Variants in SVEP1 observed in about 807,000 individuals in gnomAD.
SVEP1 encodes the protein sushi, von Willebrand factor type A, EGF and pentraxin domain-containing protein 1.
A neutral mutation model predicts 367.3 loss-of-function variants in SVEP1; 164 were observed. That is an observed-to-expected ratio of 0.45 (90% confidence interval 0.39 to 0.51). The LOEUF (loss-of-function observed/expected upper bound fraction) is 0.51. SVEP1 is among the 20% of genes least tolerant of loss of function. The pLI, the probability that SVEP1 is intolerant of heterozygous loss-of-function variation, is 0.00. For synonymous variants in SVEP1, 1,666 were observed against 1,611.6 expected (o/e 1.03, Z -0.81); for missense variants, 4,117 against 4,425.3 (o/e 0.93, Z 1.98).
chr9:110,506,495 G>A (rs1829628044), intron 5 of SVEP1, among the ~76,000 whole-genome samples: 1 of 152,036 alleles, frequency 6.6e-6, no homozygotes, highest in East Asian at 1.9e-4. Flanking sequence ...TTCTACCATT[G>A]CCATGCCCTC....
At chr9:110,479,520 T>C (rs1229945608) in intron 13 of SVEP1, 115 bp downstream of exon 13, 2 of 1,265,898 alleles carry the variant, frequency 1.6e-6, no homozygotes, top group South Asian at 1.8e-5. Context: ...ATTAGGTACA[T>C]GTCTGGATCA....
intron 37 of SVEP1, among the ~76,000 whole-genome samples, chr9:110,409,426 GAAGAAAGAA>G (rs750913787): frequency 2.7e-4 from 41 of 151,592 alleles, no homozygotes; most frequent in Non-Finnish European, 2.1e-4. Context: ...TGTCTAAAGG[GAAGAAAGAA>G]AAGAAAGAAA....
At chr9:110,397,181 G>T (rs1827775908) in intron 40 of SVEP1, among the ~76,000 whole-genome samples, 1 of 152,136 alleles carries the variant, frequency 6.6e-6, no homozygotes, top group African/African-American at 2.4e-5. Context: ...ATGCAAGGCT[G>T]GTTCAACATA....
Position 110,411,409 on chromosome 9 carries a change from T to G in SVEP1, c.6302A>C (p.Lys2101Thr). The change falls in exon 37 of 48, where the codon AAA (lysine) becomes ACA (threonine). Residue 2101 changes from lysine to threonine, a missense_variant. Physicochemically the swap from Lys to Thr is moderately conservative, Grantham distance 78 (BLOSUM62 -1). This residue lies in a region of SVEP1 where 2,174 missense variants were observed against 2,494.3 expected (regional missense o/e 0.87). Transcript: ENST00000374469. ...YSILESVSKA[K>T]FAAGSVVSFK... ...GCTCACAACTGAGCCAGCTGCAAAT[T>G]TTGCTTTGCTCACAGATTCCAAGAT... 6.2e-7 allele frequency: 1 copy of G among 1,613,970 alleles called. No individual in the cohort carries two copies. The highest frequency in any genetic ancestry group is 8.5e-7 in the Non-Finnish European group (1 of 1,179,882).
intron 1 of SVEP1, among the ~76,000 whole-genome samples, chr9:110,567,498 G>A (rs1317593965): frequency 6.6e-6 from 1 of 152,146 alleles, no homozygotes; most frequent in Non-Finnish European, 1.5e-5. Context: ...AAAAGTGAAA[G>A]GAAATAAAGA....
chr9:110,441,323 T>G (rs1228675174), intron 27 of SVEP1, among the ~76,000 whole-genome samples: 2 of 152,216 alleles, frequency 1.3e-5, no homozygotes, highest in Non-Finnish European at 2.9e-5. Flanking sequence ...ACCTAATGTT[T>G]CTAGTTTGTC....
At chr9:110,496,197 C>G (rs1027129129) in intron 8 of SVEP1, among the ~76,000 whole-genome samples, 2 of 152,098 alleles carry the variant, frequency 1.3e-5, no homozygotes, top group South Asian at 2.1e-4. Flanking sequence ...TAATATTGAG[C>G]GTCAACTTGA....
At position 110,433,383 on chromosome 9, in the gene SVEP1, A is replaced by AC. The variant is rs1395279181; in HGVS notation, c.5060-749_5060-748insG. On this transcript the variant is annotated intron_variant, in intron 30 of 47. Transcript: ENST00000374469. The stretch of plus-strand genomic sequence containing the variant: ...ATAGGCCAAAAAAAAAAAAAAAAAA[A>AC]AAAACGGTGAATATATCAGGTGGTA... Among the ~76,000 whole-genome samples, 38 of 138,530 alleles carry AC rather than the reference A, an allele frequency of 2.7e-4. No homozygotes were observed. In the South Asian group the frequency reaches 8.8e-3, roughly 32 times the overall value. 90.9% of individuals were successfully genotyped at this position (138,530 alleles called of 152,430 possible).
At chr9:110,366,897 T>C (rs10117406) in intron 47 of SVEP1, among the ~76,000 whole-genome samples, 9,496 of 152,276 alleles carry the variant, frequency 0.062, 526 homozygotes, top group African/African-American at 0.15. Context: ...CAATCTATGG[T>C]TTTTCATTAT....
At chr9:110,503,292 C>T (rs2118755417) in intron 5 of SVEP1, 75 bp from the exon 6 acceptor site, 1 of 1,404,656 alleles carries the variant, frequency 7.1e-7, no homozygotes. Context: ...TTTAGCAATG[C>T]CTGCACATTG....
chr9:110,444,557 AG>A (rs1828561587), intron 26 of SVEP1, among the ~76,000 whole-genome samples: 1 of 152,246 alleles, frequency 6.6e-6, no homozygotes, highest in African/African-American at 2.4e-5. Context: ...TGAAACAACA[AG>A]GATGGCCAGC....
chr9:110,535,099 A>G (rs931766126), intron 3 of SVEP1, among the ~76,000 whole-genome samples: 1 of 152,036 alleles, frequency 6.6e-6, no homozygotes, highest in Non-Finnish European at 1.5e-5. Context: ...GCCCATTCCT[A>G]TGTCCAGAAT....
At chr9:110,456,126 C>T (rs1426909593) in intron 21 of SVEP1, among the ~76,000 whole-genome samples, 3 of 152,222 alleles carry the variant, frequency 2.0e-5, no homozygotes, top group Non-Finnish European at 4.4e-5. Context: ...CATCTTCCCA[C>T]AGGGTGCACA....
rs757481802 is a variant in SVEP1, at chr9:110,408,014, C to T, written c.7586G>A (p.Arg2529Gln). The part of the protein sequence containing the change: ...TVTYSCNRGF[R>Q]LEGPSALTCL... ...GGTCAAGGCACTGGGACCTTCGAGCCGAAAGCCTCGGTTGCAAGAGTAGGT... is the reference window on the plus strand; with the variant it reads ...GGTCAAGGCACTGGGACCTTCGAGCTGAAAGCCTCGGTTGCAAGAGTAGGT... Residue 2529 changes from arginine to glutamine, a missense_variant, in exon 38 of 48, where the codon CGG becomes CAG. Transcript: ENST00000374469. The T allele has an allele frequency of 6.8e-6, 11 of 1,613,830 alleles. No individual in the cohort carries two copies. Among genetic ancestry groups the T allele is most frequent in the East Asian group, 6.7e-5 (3 of 44,896 alleles).
chr9:110,468,870 ATCTT>A, intron 17 of SVEP1, 66 bp downstream of exon 17: 3 of 1,435,770 alleles, frequency 2.1e-6, no homozygotes, highest in Non-Finnish European at 2.8e-6. Context: ...AAGAAAATAA[ATCTT>A]TCTTTCCCCC....
intron 3 of SVEP1, among the ~76,000 whole-genome samples, chr9:110,528,156 G>GTATATATATATATATATATATA (rs59360366): frequency 1.5e-4 from 5 of 33,938 alleles, no homozygotes; most frequent in African/African-American, 2.1e-4. Context: ...GTGTGTGTGT[G>GTATATATATATATATATATATA]TATATATATA....
rs1406479987 is a variant in SVEP1, at chr9:110,365,521, T to A, written c.*1018A>T. 6.6e-6 allele frequency: 1 copy of A among 152,270 alleles called. No homozygotes were observed. The highest frequency in any genetic ancestry group is 6.5e-5 in the Admixed American group (1 of 15,282). 9.4% of individuals were successfully genotyped at this position (152,270 alleles called of 1,614,324 possible). On this transcript the variant is annotated 3_prime_UTR_variant, in exon 48 of 48. Transcript: ENST00000374469. Reference sequence around the variant, plus strand: ...CTGAGTTTCCTATTTTAAAACAAAATCTAGGGTTTGACTTTATTTTCTGAA... The same window carrying A: ...CTGAGTTTCCTATTTTAAAACAAAAACTAGGGTTTGACTTTATTTTCTGAA...
Position 110,407,422 on chromosome 9 carries a change from G to A in SVEP1, c.8178C>T (p.Gly2726=). 1 of 1,614,008 alleles carries A rather than the reference G, an allele frequency of 6.2e-7. No individual in the cohort carries two copies. Among genetic ancestry groups the A allele is most frequent in the Non-Finnish European group, 8.5e-7 (1 of 1,179,898 alleles). The change falls in exon 38 of 48, where the codon GGC becomes GGT. Residue 2726 remains glycine, a synonymous_variant. Transcript: ENST00000374469. ...TGCTAGTCTCTGTAAAACGCAAAAA[G>A]CCATTTTCAGGAGCAGTAGGCAAGT... ...ECDLPTAPEN[G]FLRFTETSMG...
At chr9:110,431,871 A>C (rs762241364) in intron 32 of SVEP1, 44 bp downstream of exon 32, 3 of 1,610,280 alleles carry the variant, frequency 1.9e-6, no homozygotes, top group African/African-American at 2.7e-5. Flanking sequence ...TACTTGAATA[A>C]AAGAATGGAA....
Sources: allele counts gnomAD v4.1 joint callset (sites outside exome capture counted in the v4.1 genomes callset), GRCh38; gene constraint gnomAD v4.1.1; regional missense constraint gnomAD v4.1.1; transcripts MANE v1.5; gene names NCBI Gene and HGNC (gene_info 2026-07-23, HGNC 2026-07-21).